EVI5: variants seen among roughly 807,000 people sequenced by gnomAD.
The protein encoded by EVI5 is ecotropic viral integration site 5 protein homolog.
EVI5 carries 73 observed loss-of-function variants against 112.0 expected under a neutral mutation model. That is an observed-to-expected ratio of 0.65 (90% CI 0.54 to 0.79). The LOEUF is 0.79. Among genes scored for constraint, EVI5 ranks in the 30% least tolerant of loss-of-function variants. The pLI, the probability that EVI5 is intolerant of heterozygous loss-of-function variation, is 0.00. For synonymous variants in EVI5, 305 were observed against 319.9 expected, an observed-to-expected ratio of 0.95 and a Z score of 0.50; for missense variants, 900 against 968.8, an observed-to-expected ratio of 0.93 and a Z score of 0.94.
intron 11 of EVI5, among the ~76,000 whole-genome samples, chr1:92,665,419 A>G (rs988367245): frequency 2.0e-5 from 3 of 152,324 alleles, no homozygotes; most frequent in Middle Eastern, 3.4e-3. Flanking sequence ...AACAGAGAAA[A>G]TGTAACAAGT....
At chr1:92,639,519 T>C (rs1659542728) in intron 13 of EVI5, among the ~76,000 whole-genome samples, 1 of 152,156 alleles carries the variant, frequency 6.6e-6, no homozygotes, top group Non-Finnish European at 1.5e-5. Flanking sequence ...AAAAGGGTTG[T>C]CCATGCAAAT....
chr1:92,537,368 G>C (rs145956529), intron 19 of EVI5, among the ~76,000 whole-genome samples: 1 of 152,066 alleles, frequency 6.6e-6, no homozygotes, highest in Non-Finnish European at 1.5e-5. Context: ...TAGCATTTCT[G>C]TAAGTGATAT....
At chr1:92,739,230 G>C (rs552544555) in intron 1 of EVI5, among the ~76,000 whole-genome samples, 2 of 119,298 alleles carry the variant, frequency 1.7e-5, no homozygotes, top group East Asian at 5.6e-4. Context: ...CCAAGATCAC[G>C]CCACTGCTCT....
intron 19 of EVI5, among the ~76,000 whole-genome samples, chr1:92,542,643 T>C (rs1331941171): frequency 6.6e-6 from 1 of 152,244 alleles, no homozygotes; most frequent in Non-Finnish European, 1.5e-5. Flanking sequence ...ACATCAGCAC[T>C]TGCTGCTTCA....
chr1:92,776,197 T>C (rs1684113780), intron 1 of EVI5, among the ~76,000 whole-genome samples: 1 of 151,868 alleles, frequency 6.6e-6, no homozygotes, highest in African/African-American at 2.4e-5. Context: ...AAAAAATCTA[T>C]CTACTATCTA....
chr1:92,760,579 A>G (rs1681673177), intron 1 of EVI5, among the ~76,000 whole-genome samples: 1 of 151,674 alleles, frequency 6.6e-6, no homozygotes, highest in African/African-American at 2.4e-5. Context: ...TAAAAATACA[A>G]AAAAATTAGC....
intron 19 of EVI5, among the ~76,000 whole-genome samples, chr1:92,532,271 C>T (rs1456074422): frequency 6.6e-6 from 1 of 152,014 alleles, no homozygotes; most frequent in African/African-American, 2.4e-5. Context: ...ACAAGAGCGC[C>T]CAGATTCATA....
chr1:92,538,041 C>T (rs1431759670), intron 19 of EVI5, among the ~76,000 whole-genome samples: 1 of 152,086 alleles, frequency 6.6e-6, no homozygotes, highest in African/African-American at 2.4e-5. Context: ...AAGAAACTTA[C>T]AACTGCACAC....
intron 2 of EVI5, chr1:92,732,341 C>T: frequency 2.7e-6 from 1 of 373,030 alleles, no homozygotes; most frequent in Non-Finnish European, 5.3e-6. Context: ...CACTCAGTAA[C>T]TTGTTAAAGA....
chr1:92,541,253 A>AAC (rs1664760198), intron 19 of EVI5, among the ~76,000 whole-genome samples: 1 of 152,206 alleles, frequency 6.6e-6, no homozygotes, highest in Non-Finnish European at 1.5e-5. Context: ...TCTGATAAGG[A>AAC]ACACATATTT....
chr1:92,640,641 T>A (rs982575638), intron 13 of EVI5, among the ~76,000 whole-genome samples: 4 of 152,174 alleles, frequency 2.6e-5, no homozygotes, highest in Admixed American at 6.5e-5. Flanking sequence ...TAGGAATGCT[T>A]TTATAGTGTT....
chr1:92,713,925 C>G, intron 2 of EVI5: 2 of 592,308 alleles, frequency 3.4e-6, no homozygotes, highest in Non-Finnish European at 4.2e-6. Flanking sequence ...CAAATAATGG[C>G]TCACTCAAAA....
At chr1:92,751,021 G>A (rs1043286834) in intron 1 of EVI5, among the ~76,000 whole-genome samples, 4 of 152,062 alleles carry the variant, frequency 2.6e-5, no homozygotes, top group Non-Finnish European at 5.9e-5. Flanking sequence ...ATGGTGGCGG[G>A]CACCTGTAGT....
intron 9 of EVI5, among the ~76,000 whole-genome samples, chr1:92,684,679 A>G (rs1292736668): frequency 6.6e-6 from 1 of 152,162 alleles, no homozygotes; most frequent in Non-Finnish European, 1.5e-5. Context: ...AAAGACACAC[A>G]TAGGCTCAAA....
intron 9 of EVI5, among the ~76,000 whole-genome samples, chr1:92,684,976 G>A (rs1417736043): frequency 6.6e-6 from 1 of 151,932 alleles, no homozygotes; most frequent in Admixed American, 6.6e-5. Flanking sequence ...ACACCCCACT[G>A]TCAATACTAG....
At chr1:92,521,043 A>C (rs1660845859) in intron 19 of EVI5, among the ~76,000 whole-genome samples, 1 of 150,288 alleles carries the variant, frequency 6.7e-6, no homozygotes, top group Non-Finnish European at 1.5e-5. Context: ...CTCACTGCAG[A>C]CTCTACCTCC....
intron 10 of EVI5, among the ~76,000 whole-genome samples, chr1:92,670,137 A>G (rs895219050): frequency 1.3e-5 from 2 of 152,222 alleles, no homozygotes; most frequent in African/African-American, 4.8e-5. Context: ...CTTGTAACTT[A>G]TTAATTCTAC....
intron 9 of EVI5, among the ~76,000 whole-genome samples, chr1:92,692,470 T>C (rs1669645431): frequency 6.6e-6 from 1 of 152,220 alleles, no homozygotes; most frequent in Admixed American, 6.5e-5. Context: ...ATCAACATGA[T>C]GGTGGTTATT....
At chr1:92,736,129 G>C (rs567668671) in intron 2 of EVI5, among the ~76,000 whole-genome samples, 3 of 151,842 alleles carry the variant, frequency 2.0e-5, no homozygotes, top group South Asian at 4.1e-4. Context: ...TAAAGTTATA[G>C]TTTCATTTAC....
Sources: allele counts gnomAD v4.1 joint callset (sites outside exome capture counted in the v4.1 genomes callset), GRCh38; gene constraint gnomAD v4.1.1; transcripts MANE v1.5; gene names NCBI Gene and HGNC (gene_info 2026-07-23, HGNC 2026-07-21).